TBX22: variants seen among roughly 807,000 people sequenced by gnomAD.
TBX22 encodes T-box transcription factor TBX22.
In TBX22, 8 loss-of-function variants were observed where a neutral mutation model predicts 30.1. The observed-to-expected ratio is 0.27, with a 90% CI of 0.16 to 0.48. The LOEUF is 0.48. TBX22 is among the 20% of genes least tolerant of loss of function. The pLI is 0.99. For synonymous variants in TBX22, 173 were observed against 149.1 expected (o/e 1.16, Z -1.17); for missense variants, 463 against 400.5 (o/e 1.16, Z -1.33).
chrX:80,021,697 A>C (rs888673591), intron 1 of TBX22, among the ~76,000 whole-genome samples: 5 of 111,945 alleles, frequency 4.5e-5, no homozygotes, highest in African/African-American at 1.6e-4. Context: ...TAGACTCTGA[A>C]GTGTCACTCA....
chrX:80,018,246 T>A (rs1483250957), intron 1 of TBX22, among the ~76,000 whole-genome samples: 1 of 112,054 alleles, frequency 8.9e-6, no homozygotes, highest in African/African-American at 3.2e-5. Context: ...GGTCTTGTCA[T>A]TAACACATTT....
intron 1 of TBX22, 44 bp downstream of exon 1, chrX:80,014,931 G>C (rs1248363774): frequency 2.7e-5 from 3 of 111,737 alleles, no homozygotes; most frequent in African/African-American, 9.8e-5. Flanking sequence ...GTTTTAGTGG[G>C]ACATCAGTAC....
chrX:80,020,433 A>G (rs1270587777), intron 1 of TBX22, among the ~76,000 whole-genome samples: 1 of 111,814 alleles, frequency 8.9e-6, no homozygotes, highest in African/African-American at 3.3e-5. Context: ...CTCAGATCAC[A>G]TGCAGATGTG....
At chrX:80,022,657 A>C in intron 2 of TBX22, 1 of 456,180 alleles carries the variant, frequency 2.2e-6, no homozygotes, top group Admixed American at 3.5e-5. Context: ...ATAATTGTGA[A>C]GTGAGTCTCT....
intron 1 of TBX22, among the ~76,000 whole-genome samples, chrX:80,020,019 C>T (rs903550637): frequency 9.0e-6 from 1 of 111,174 alleles, no homozygotes; most frequent in African/African-American, 3.3e-5. Context: ...CAACAAACAT[C>T]TTTTGCTTTA....
intron 8 of TBX22, among the ~76,000 whole-genome samples, chrX:80,028,965 A>G (rs901891543): frequency 3.6e-5 from 4 of 111,160 alleles, no homozygotes; most frequent in Admixed American, 9.6e-5. Context: ...CATGAAAAAA[A>G]AAACACTTAT....
rs758173485 is a variant in TBX22 at position 80,023,089 on chromosome X, T to C, written c.205T>C (p.Ser69Pro). Reference protein sequence around the residue: ...EKQPKTEPSTSASSGCGSDSG... With the variant: ...EKQPKTEPSTPASSGCGSDSG... ...ACAACCTAAGACAGAGCCCTCAACATCTGCTTCCTCTGGCTGCGGCAGCGA... is the reference window on the plus strand; with the variant it reads ...ACAACCTAAGACAGAGCCCTCAACACCTGCTTCCTCTGGCTGCGGCAGCGA... The change falls in exon 3 of 9, where the codon TCT becomes CCT. Residue 69 changes from serine (S) to proline (P), a missense_variant. Coordinates refer to ENST00000373296, the MANE Select transcript of TBX22 (RefSeq NM_001109878.2). 1 of 1,211,635 alleles carries C rather than the reference T, an allele frequency of 8.3e-7. No individual in the cohort carries two copies. The highest frequency in any genetic ancestry group is 1.1e-6 in the Non-Finnish European group (1 of 895,467).
intron 2 of TBX22, chrX:80,022,787 C>T: frequency 2.5e-6 from 1 of 404,135 alleles, no homozygotes. Context: ...CGGTTATCAA[C>T]GTCTCCAGGA....
At chrX:80,030,425 G>T in intron 8 of TBX22, 73 bp from the exon 9 acceptor site, 1 of 1,130,867 alleles carries the variant, frequency 8.8e-7, no homozygotes, top group Non-Finnish European at 1.2e-6. Flanking sequence ...AGATAGTGAA[G>T]GATATGATTA....
chrX:80,022,345 G>C lies in TBX22; in HGVS notation c.76G>C (p.Asp26His), dbSNP rs781665863. The C allele has an allele frequency of 8.3e-6, 10 of 1,211,362 alleles. No individual in the cohort carries two copies. Among genetic ancestry groups the C allele is most frequent in the Non-Finnish European group, 1.1e-5 (10 of 895,248 alleles). The change falls in exon 2 of 9, where the codon GAC (aspartate) becomes CAC (histidine). Residue 26 changes from aspartate to histidine, a missense_variant. Asp to His is a moderately conservative substitution (Grantham distance 81, BLOSUM62 -1). Transcript: ENST00000373296. ...GAGACCCAGCAAAAGAAAACTCCAA[G>C]ACCCAATACAGGCGGAGCAGCCTGA... ...VGRPSKRKLQ[D>H]PIQAEQPELR...
intron 1 of TBX22, among the ~76,000 whole-genome samples, chrX:80,017,280 T>TTTTG (rs1555990863): frequency 2.1e-5 from 2 of 93,955 alleles, no homozygotes; most frequent in Non-Finnish European, 4.2e-5. Flanking sequence ...GGTGTTGTTT[T>TTTTG]TGTGTGTGTG....
rs1923803564 is a variant in TBX22 at position 80,023,123 on chromosome X, A to G, written c.239A>G (p.Tyr80Cys). The change falls in exon 3 of 9, where the codon TAC becomes TGC. Residue 80 changes from tyrosine to cysteine, a missense_variant. By Grantham distance (194) the Tyr-to-Cys change is radical. Transcript: ENST00000373296. ...TCTGGCTGCGGCAGCGACAGCGGCTACGGCAACAGCTCTGAAAGTCTGGAA... is the reference window on the plus strand; with the variant it reads ...TCTGGCTGCGGCAGCGACAGCGGCTGCGGCAACAGCTCTGAAAGTCTGGAA... ...ASSGCGSDSGYGNSSESLEEK... is the reference protein window; with the variant it reads ...ASSGCGSDSGCGNSSESLEEK... 2 of 1,211,914 alleles carry G rather than the reference A, an allele frequency of 1.7e-6. No individual in the cohort carries two copies. The highest frequency in any genetic ancestry group is 5.9e-5 in the East Asian group (2 of 33,833).
In TBX22 at chrX:80,026,756, A is replaced by G; in HGVS notation, c.686A>G (p.Gln229Arg). ...KYKPRVHVIE[Q>R]GSSVDLSQIQ... ...AAACCCCGAGTGCACGTGATAGAGC[A>G]AGGCAGCAGTGTTGACCTGTCCCAG... is the stretch of plus-strand genomic sequence containing the variant. Residue 229 changes from glutamine (Q) to arginine (R), a missense_variant, in exon 6 of 9, where the codon CAA (glutamine) becomes CGA (arginine). Gln to Arg is a conservative substitution (Grantham distance 43, BLOSUM62 1). Coordinates refer to ENST00000373296, the MANE Select transcript of TBX22 (RefSeq NM_001109878.2). 8.3e-7 allele frequency: 1 copy of G among 1,211,427 alleles called. No individual in the cohort carries two copies. Among genetic ancestry groups the G allele is most frequent in the Non-Finnish European group, 1.1e-6 (1 of 895,046 alleles).
intron 7 of TBX22, among the ~76,000 whole-genome samples, chrX:80,027,674 G>GT (rs747931219): frequency 1.8e-5 from 2 of 112,017 alleles, no homozygotes; most frequent in South Asian, 3.7e-4. Context: ...ACTGCACCTG[G>GT]TCCCCCACAA....
At position 80,030,638 on chromosome X, in the gene TBX22, C is replaced by T. The variant is rs147281246; in HGVS notation, c.1090C>T (p.Leu364=). The T allele has an allele frequency of 1.2e-4, 150 of 1,209,886 alleles. No individual in the cohort carries two copies. In the African/African-American group the frequency reaches 2.0e-3, roughly 16 times the overall value. Residue 364 remains leucine, a synonymous_variant, in exon 9 of 9, where the codon CTG becomes TTG. Coordinates refer to ENST00000373296, the MANE Select transcript of TBX22 (RefSeq NM_001109878.2). ...SLGMPCPEAY[L]PNVNLPLCYK... ...TGGAATGCCCTGTCCAGAGGCATAC[C>T]TGCCCAATGTCAACCTGCCTCTATG...
chrX:80,021,212 C>T (rs1453199808), intron 1 of TBX22, among the ~76,000 whole-genome samples: 1 of 111,735 alleles, frequency 8.9e-6, no homozygotes. Context: ...CTTTTGTTGC[C>T]CTGCTGGTGG....
At chrX:80,016,500 AT>A (rs56930639) in intron 1 of TBX22, among the ~76,000 whole-genome samples, 6 of 110,984 alleles carry the variant, frequency 5.4e-5, no homozygotes, top group East Asian at 2.8e-4. Context: ...CATAAACAGT[AT>A]TTTTTTTCAA....
At chrX:80,028,463 C>G (rs1233498427) in intron 8 of TBX22, among the ~76,000 whole-genome samples, 1 of 111,918 alleles carries the variant, frequency 8.9e-6, no homozygotes, top group Non-Finnish European at 1.9e-5. Flanking sequence ...TTATGAGGAC[C>G]TTTCAGTACA....
chrX:80,019,048 G>T (rs1225254538), intron 1 of TBX22, among the ~76,000 whole-genome samples: 2 of 111,805 alleles, frequency 1.8e-5, no homozygotes, highest in African/African-American at 6.5e-5. Context: ...AAGAAAACTA[G>T]AAGAAGAAAG....
Sources: gnomAD v4.1 joint callset for allele counts (sites outside exome capture counted in the v4.1 genomes callset) on GRCh38, gnomAD v4.1.1 for gene constraint, MANE v1.5 for transcripts, NCBI Gene and HGNC (gene_info 2026-07-23, HGNC 2026-07-21) for gene names.